The following C11orf98 variants were observed in gnomAD, a reference collection of about 807,000 sequenced individuals.
C11orf98 encodes the protein chromosome 11 open reading frame 98.
A neutral mutation model predicts 10.9 loss-of-function variants in C11orf98; 7 were observed. The ratio of observed to expected loss-of-function variants is 0.64; its 90% CI spans 0.37 to 1.21. The LOEUF is 1.21. Ranked by LOEUF, C11orf98 falls within the 50% of genes most tolerant of loss-of-function variation. The pLI is 0.02. For synonymous variants in C11orf98, 70 were observed against 57.2 expected (o/e 1.22, Z -1.01); for missense variants, 181 against 153.7 (o/e 1.18, Z -0.94).
intron 2 of C11orf98, 73 bp from the exon 3 acceptor site, chr11:62,663,406 A>C: frequency 6.7e-7 from 1 of 1,488,452 alleles, no homozygotes; most frequent in African/African-American, 1.4e-5. Context: ...AGTTCTGGCT[A>C]TAGAAAAAGT....
chr11:62,664,530 C>T (rs1944741528), intron 2 of C11orf98, among the ~76,000 whole-genome samples: 1 of 151,990 alleles, frequency 6.6e-6, no homozygotes, highest in African/African-American at 2.4e-5. Context: ...GGGGTTTCAC[C>T]ATGTTGGTCA....
At chr11:62,663,205 T>G in intron 3 of C11orf98, 31 bp downstream of exon 3, 1 of 1,613,784 alleles carries the variant, frequency 6.2e-7, no homozygotes, top group Non-Finnish European at 8.5e-7. Context: ...AAATCCAGGA[T>G]TCCCCTCACC....
In C11orf98 at chr11:62,662,905, G is replaced by T; in HGVS notation, c.*145C>A. ...CTTCTGTACCTTCTTCCCTCCCAAAGACATCCCTCTAGGGGAGGTCAGTAG... is the reference window on the plus strand; with the variant it reads ...CTTCTGTACCTTCTTCCCTCCCAAATACATCCCTCTAGGGGAGGTCAGTAG... On this transcript the variant is annotated 3_prime_UTR_variant, in exon 4 of 4. Coordinates refer to ENST00000524958, the MANE Select transcript of C11orf98 (RefSeq NM_001286086.2). 1.6e-6 allele frequency: 1 copy of T among 635,192 alleles called. No individual in the cohort carries two copies. The highest frequency in any genetic ancestry group is 2.7e-6 in the Non-Finnish European group (1 of 368,504). The allele number at this position is 635,192 out of a possible 1,614,324, so 39.3% of individuals were successfully genotyped here.
At chr11:62,664,733 C>T in intron 2 of C11orf98, 116 bp downstream of exon 2, 1 of 1,333,608 alleles carries the variant, frequency 7.5e-7, no homozygotes, top group Non-Finnish European at 1.0e-6. Flanking sequence ...GACAGACATT[C>T]CCCGCATAAG....
chr11:62,663,481 T>A, intron 2 of C11orf98, 148 bp from the exon 3 acceptor site: 1 of 726,450 alleles, frequency 1.4e-6, no homozygotes, highest in East Asian at 3.0e-5. Context: ...CCGAGGCGGC[T>A]GGATCACGAG....
At chr11:62,664,069 T>C (rs1278531359) in intron 2 of C11orf98, among the ~76,000 whole-genome samples, 5 of 121,314 alleles carry the variant, frequency 4.1e-5, no homozygotes, top group African/African-American at 1.6e-4. Flanking sequence ...GGAGACTCTG[T>C]CTCAAAAAAG....
chr11:62,664,326 C>CT lies in C11orf98; in HGVS notation c.164+522dup, dbSNP rs35917869. Among the ~76,000 whole-genome samples the CT allele has an allele frequency of 6.6e-3, 507 of 77,384 alleles. 11 individuals carry two copies. The highest frequency in any genetic ancestry group is 0.012 in the African/African-American group (217 of 17,658). The allele number at this position is 77,384 out of a possible 152,430, so 50.8% of individuals were successfully genotyped here. ...GAGAGCCAACAGATTTCCTGATATT[C>CT]TTTTTTTTTTTTTTTTTTTTTTGAG... On this transcript the variant is annotated intron_variant, in intron 2 of 3. Transcript: ENST00000524958.
At position 62,663,135 on chromosome 11, in the gene C11orf98, CT is replaced by C; in HGVS notation, c.286del (p.Arg96GlyfsTer19). On this transcript the variant is annotated frameshift_variant, in exon 4 of 4. Coordinates refer to ENST00000524958, the MANE Select transcript of C11orf98 (RefSeq NM_001286086.2). LOFTEE classifies it high-confidence loss of function. Reference protein sequence around the residue: ...MEVEAPSKPARTSEPQLKRQK... With the variant: ...MEVEAPSKPAXTSEPQLKRQK... Reference sequence around the variant, plus strand: ...CCTTTTGAGCTGTGGTTCACTAGTCCTGGCTGGCTTTGAAGGGGCTTCCACT... The same window carrying C: ...CCTTTTGAGCTGTGGTTCACTAGTCCGGCTGGCTTTGAAGGGGCTTCCACT... 6.2e-7 allele frequency: 1 copy of C among 1,614,118 alleles called. No individual in the cohort carries two copies. The highest frequency in any genetic ancestry group is 1.1e-5 in the South Asian group (1 of 91,086).
Position 62,663,168 on chromosome 11 carries a change from A to G in C11orf98, c.263-9T>C. On this transcript the variant is annotated splice_polypyrimidine_tract_variant and intron_variant, in intron 3 of 3. Transcript: ENST00000524958. The stretch of plus-strand genomic sequence containing the variant: ...CTTTGAAGGGGCTTCCACTGAGTAA[A>G]GGGAAGAAGGAAGTATTATCCCAAA... The G allele has an allele frequency of 6.2e-7, 1 of 1,613,844 alleles. No individual in the cohort carries two copies. Among genetic ancestry groups the G allele is most frequent in the East Asian group, 2.2e-5 (1 of 44,880 alleles).
rs1249784834 is a variant in C11orf98, at chr11:62,663,295, T to A, written c.203A>T (p.Lys68Met). Residue 68 changes from lysine (K) to methionine (M), a missense_variant, in exon 3 of 4, where the codon AAG (lysine) becomes ATG (methionine). Physicochemically the swap from Lys to Met is moderately conservative, Grantham distance 95 (BLOSUM62 -1). Transcript: ENST00000524958. ...GATCTGCTGGAGGAGTTTTCTGCGC[T>A]TCTTCCCTGACAGTGTAATGTTGGC... ...ARANITLSGK[K>M]RRKLLQQIRL... 6 of 1,614,210 alleles carry A rather than the reference T, an allele frequency of 3.7e-6. No homozygotes were observed. The highest frequency in any genetic ancestry group is 3.4e-6 in the Non-Finnish European group (4 of 1,180,048).
rs773133062 is a variant in C11orf98 at position 62,663,001 on chromosome 11, A to G, written c.*49T>C. On this transcript the variant is annotated 3_prime_UTR_variant, in exon 4 of 4. Coordinates refer to ENST00000524958, the MANE Select transcript of C11orf98 (RefSeq NM_001286086.2). ...TTTGTCAAAGTCCTCTGAAACAACC[A>G]CTGAGTCTGAAGGCTGGCTCCAGTT... The G allele has an allele frequency of 7.1e-7, 1 of 1,411,422 alleles. No individual in the cohort carries two copies. The highest frequency in any genetic ancestry group is 9.8e-7 in the Non-Finnish European group (1 of 1,016,506). 87.4% of individuals were successfully genotyped at this position (1,411,422 alleles called of 1,614,324 possible).
chr11:62,664,749 G>A, intron 2 of C11orf98, 100 bp downstream of exon 2: 4 of 1,445,366 alleles, frequency 2.8e-6, no homozygotes, highest in Non-Finnish European at 1.9e-6. Context: ...ATAAGCGTCA[G>A]TGCACAAGGT....
chr11:62,664,125 T>C (rs1590845023), intron 2 of C11orf98, among the ~76,000 whole-genome samples: 1 of 136,902 alleles, frequency 7.3e-6, no homozygotes. Flanking sequence ...AAGTAATTAA[T>C]GGGATGGGAA....
At position 62,663,268 on chromosome 11, in the gene C11orf98, C is replaced by T. The variant is rs755063787; in HGVS notation, c.230G>A (p.Arg77Gln). The change falls in exon 3 of 4, where the codon CGG becomes CAG. Residue 77 changes from arginine (R) to glutamine (Q), a missense_variant. Coordinates refer to ENST00000524958, the MANE Select transcript of C11orf98 (RefSeq NM_001286086.2). ...GGCTGTCTTCTCTTTCTGGGCAAGC[C>T]GGATCTGCTGGAGGAGTTTTCTGCG... is the stretch of plus-strand genomic sequence containing the variant. ...KKRRKLLQQIRLAQKEKTAME... is the reference protein window; with the variant it reads ...KKRRKLLQQIQLAQKEKTAME... 28 of 1,614,022 alleles carry T rather than the reference C, an allele frequency of 1.7e-5. No individual in the cohort carries two copies. Among genetic ancestry groups the T allele is most frequent in the African/African-American group, 2.7e-5 (2 of 74,898 alleles).
intron 2 of C11orf98, among the ~76,000 whole-genome samples, chr11:62,664,387 G>A (rs559159399): frequency 3.8e-4 from 51 of 135,606 alleles, no homozygotes; most frequent in African/African-American, 1.3e-3. Context: ...CTGGAGTGCA[G>A]TGGCGTGATC....
At position 62,663,152 on chromosome 11, in the gene C11orf98, G is replaced by A; in HGVS notation, c.270C>T (p.Ala90=). 3.1e-6 allele frequency: 5 copies of A among 1,614,010 alleles called. No individual in the cohort carries two copies. The African/African-American group carries it at 4.0e-5, about 13-fold the overall frequency. ...CACTAGTCCTGGCTGGCTTTGAAGGGGCTTCCACTGAGTAAAGGGAAGAAG... is the reference window on the plus strand; with the variant it reads ...CACTAGTCCTGGCTGGCTTTGAAGGAGCTTCCACTGAGTAAAGGGAAGAAG... ...QKEKTAMEVE[A]PSKPARTSEP... is the part of the protein sequence containing the mutation. The change falls in exon 4 of 4, where the codon GCC becomes GCT. Residue 90 remains alanine, a synonymous_variant. Transcript: ENST00000524958.
chr11:62,663,357 A>C (rs746379270), intron 2 of C11orf98, 24 bp from the exon 3 acceptor site: 2 of 1,609,380 alleles, frequency 1.2e-6, no homozygotes, highest in Admixed American at 3.4e-5. Context: ...GGAAATAAAG[A>C]GAGCTAGGTT....
intron 2 of C11orf98, 87 bp downstream of exon 2, chr11:62,664,762 G>C (rs1944748286): frequency 6.7e-7 from 1 of 1,487,018 alleles, no homozygotes; most frequent in African/African-American, 1.4e-5. Context: ...CACAAGGTGA[G>C]CTGAGAGGTG....
In C11orf98 at chr11:62,663,338, T is replaced by A. The variant is rs766276328; in HGVS notation, c.165-5A>T. The A allele has an allele frequency of 1.9e-6, 3 of 1,612,638 alleles. No individual in the cohort carries two copies. Among genetic ancestry groups the A allele is most frequent in the Non-Finnish European group, 1.7e-6 (2 of 1,179,352 alleles). ...ATGTTGGCACGTGCACTGGACCTGA[T>A]GGGTAAGTGGAAATAAAGAGAGCTA... is the stretch of plus-strand genomic sequence containing the variant. On this transcript the variant is annotated splice_polypyrimidine_tract_variant and splice_region_variant and intron_variant, in intron 2 of 3. Transcript: ENST00000524958.
Sources: allele counts gnomAD v4.1 joint callset (sites outside exome capture counted in the v4.1 genomes callset), GRCh38; gene constraint gnomAD v4.1.1; transcripts MANE v1.5; gene names NCBI Gene and HGNC (gene_info 2026-07-23, HGNC 2026-07-21).